Variants in USP32 observed in about 807,000 individuals in gnomAD.
USP32 encodes the protein ubiquitin specific peptidase 32.
Under a neutral mutation model 204.8 loss-of-function variants are expected in USP32, and 59 were observed. That is an observed-to-expected ratio of 0.29 (90% CI 0.23 to 0.36). The LOEUF is 0.36. USP32 is among the 10% of genes least tolerant of loss of function. The pLI, the probability that USP32 is intolerant of heterozygous loss-of-function variation, is 1.00. For synonymous variants in USP32, 517 were observed against 678.4 expected (o/e 0.76, Z 3.70); for missense variants, 1,160 against 1,946.4 (o/e 0.60, Z 7.60).
chr17:60,189,794 G>A (rs796175253), intron 29 of USP32, among the ~76,000 whole-genome samples: 7 of 152,132 alleles, frequency 4.6e-5, no homozygotes, highest in African/African-American at 1.7e-4. Context: ...TATAGCCCTG[G>A]GACACATTTG....
intron 28 of USP32, among the ~76,000 whole-genome samples, chr17:60,192,538 G>A (rs1019797841): frequency 2.9e-4 from 44 of 152,016 alleles, no homozygotes; most frequent in African/African-American, 9.2e-4. Context: ...GGGTTCAAGC[G>A]ATTCTCCTGC....
At chr17:60,251,889 T>G (rs572770205) in intron 11 of USP32, among the ~76,000 whole-genome samples, 77 of 152,172 alleles carry the variant, frequency 5.1e-4, no homozygotes, top group Non-Finnish European at 1.0e-3. Context: ...ATTAAAGTAT[T>G]ATTTTATATG....
intron 2 of USP32, among the ~76,000 whole-genome samples, chr17:60,337,163 C>G (rs187127248): frequency 7.5e-4 from 115 of 152,322 alleles, no homozygotes; most frequent in African/African-American, 2.6e-3. Context: ...CCTAGACTAT[C>G]TGGTAAATAT....
At chr17:60,275,190 C>T (rs1417346801) in intron 5 of USP32, among the ~76,000 whole-genome samples, 2 of 152,178 alleles carry the variant, frequency 1.3e-5, no homozygotes, top group African/African-American at 4.8e-5. Flanking sequence ...GGCGCGGTGG[C>T]TCACGCCTGT....
At chr17:60,234,544 A>G (rs980637241) in intron 12 of USP32, among the ~76,000 whole-genome samples, 19 of 151,326 alleles carry the variant, frequency 1.3e-4, no homozygotes, top group African/African-American at 4.4e-4. Flanking sequence ...TGGCTAACAC[A>G]GTGAAGCCCC....
At chr17:60,411,056 C>A (rs1322902854) in intron 1 of USP32, among the ~76,000 whole-genome samples, 1 of 151,606 alleles carries the variant, frequency 6.6e-6, no homozygotes, top group Admixed American at 6.6e-5. Flanking sequence ...AGGCCAGGCA[C>A]GGTGGCTCAC....
intron 1 of USP32, among the ~76,000 whole-genome samples, chr17:60,366,454 C>T (rs1294463117): frequency 3.3e-5 from 5 of 151,904 alleles, no homozygotes; most frequent in East Asian, 1.9e-4. Context: ...ACAGTAGAGA[C>T]GGGGTTTCTC....
At chr17:60,325,744 C>G (rs1479306826) in intron 2 of USP32, among the ~76,000 whole-genome samples, 1 of 151,854 alleles carries the variant, frequency 6.6e-6, no homozygotes, top group Non-Finnish European at 1.5e-5. Flanking sequence ...CTGGGCAACA[C>G]AGCAAAACCC....
At chr17:60,302,105 T>TTTTATTTATTTA (rs1191398405) in intron 2 of USP32, among the ~76,000 whole-genome samples, 4 of 125,534 alleles carry the variant, frequency 3.2e-5, no homozygotes, top group African/African-American at 1.2e-4. Context: ...TATATAAATA[T>TTTTATTTATTTA]TTTGTTTGTT....
chr17:60,233,812 T>C (rs2145625327), intron 12 of USP32, among the ~76,000 whole-genome samples: 1 of 152,278 alleles, frequency 6.6e-6, no homozygotes, highest in South Asian at 2.1e-4. Context: ...AATATGTATT[T>C]TCAGAAAGTA....
chr17:60,332,530 C>T (rs1237126017), intron 2 of USP32, among the ~76,000 whole-genome samples: 1 of 151,946 alleles, frequency 6.6e-6, no homozygotes, highest in Non-Finnish European at 1.5e-5. Context: ...CGCCTGTGAT[C>T]CCAGCTACTC....
At chr17:60,347,894 G>C (rs749830854) in intron 1 of USP32, among the ~76,000 whole-genome samples, 1 of 151,168 alleles carries the variant, frequency 6.6e-6, no homozygotes. Context: ...AGGCTGAGGC[G>C]GGCGGATCAC....
intron 10 of USP32, among the ~76,000 whole-genome samples, chr17:60,254,694 G>A (rs1184157411): frequency 1.3e-5 from 2 of 152,026 alleles, no homozygotes; most frequent in South Asian, 2.1e-4. Flanking sequence ...GTGAGATGCT[G>A]TCTCAAAATT....
intron 5 of USP32, among the ~76,000 whole-genome samples, chr17:60,287,910 G>A (rs940702980): frequency 1.3e-5 from 2 of 151,494 alleles, no homozygotes; most frequent in Non-Finnish European, 2.9e-5. Context: ...TCAGGAAATC[G>A]AGACCATCCT....
intron 15 of USP32, among the ~76,000 whole-genome samples, chr17:60,221,515 T>A (rs2085246570): frequency 6.6e-6 from 1 of 151,782 alleles, no homozygotes; most frequent in South Asian, 2.1e-4. Flanking sequence ...TTTCTTTTTT[T>A]TTTTTTTGAG....
intron 1 of USP32, among the ~76,000 whole-genome samples, chr17:60,368,411 A>C (rs1162855844): frequency 6.6e-6 from 1 of 152,218 alleles, no homozygotes; most frequent in East Asian, 1.9e-4. Context: ...TATAGTTAGT[A>C]AGAAATCCCA....
chr17:60,294,649 T>C (rs1023849419), intron 4 of USP32, 34 bp downstream of exon 4: 1 of 1,425,934 alleles, frequency 7.0e-7, no homozygotes, highest in South Asian at 1.2e-5. Context: ...ACTTTGTCAA[T>C]GAAAAGGGAT....
intron 1 of USP32, among the ~76,000 whole-genome samples, chr17:60,362,809 T>C (rs2089235690): frequency 3.3e-5 from 5 of 152,022 alleles, no homozygotes; most frequent in Admixed American, 3.3e-4. Context: ...TTAAAAAATG[T>C]TTCCAAGTAT....
At chr17:60,213,459 A>T (rs1260844362) in intron 18 of USP32, 122 bp downstream of exon 18, 1 of 528,742 alleles carries the variant, frequency 1.9e-6, no homozygotes, top group Non-Finnish European at 3.3e-6. Flanking sequence ...GGGTTTCTTT[A>T]TCATAAAAAC....
Sources: gnomAD v4.1 joint callset for allele counts (sites outside exome capture counted in the v4.1 genomes callset) on GRCh38, gnomAD v4.1.1 for gene constraint, MANE v1.5 for transcripts, NCBI Gene and HGNC (gene_info 2026-07-23, HGNC 2026-07-21) for gene names.